The following ADCY8 variants were observed in gnomAD, a reference collection of about 807,000 sequenced individuals.
The protein encoded by ADCY8 is adenylate cyclase 8, also known as adenylate cyclase type 8.
A neutral mutation model predicts 119.7 loss-of-function variants in ADCY8; 51 were observed. That is an observed-to-expected ratio of 0.43 (90% CI 0.34 to 0.54). The LOEUF is 0.54. ADCY8 is among the 20% of genes least tolerant of loss of function. The pLI, the probability that ADCY8 is intolerant of heterozygous loss-of-function variation, is 0.03. For missense variants in ADCY8, 1,383 were observed against 1,598.8 expected, an observed-to-expected ratio of 0.87 and a Z score of 2.30; for synonymous variants, 665 against 651.0, an observed-to-expected ratio of 1.02 and a Z score of -0.33.
chr8:130,963,620 G>A (rs548387171), intron 2 of ADCY8, among the ~76,000 whole-genome samples: 1 of 152,172 alleles, frequency 6.6e-6, no homozygotes, highest in Non-Finnish European at 1.5e-5. Context: ...TGACAGGAGA[G>A]GGGGAGAGAT....
At chr8:130,803,574 A>T (rs1815849917) in intron 14 of ADCY8, among the ~76,000 whole-genome samples, 1 of 152,254 alleles carries the variant, frequency 6.6e-6, no homozygotes, top group African/African-American at 2.4e-5. Context: ...CTTCGTAGGA[A>T]ACATGAAACC....
chr8:130,917,743 G>C (rs1424333975), intron 5 of ADCY8, among the ~76,000 whole-genome samples: 2 of 150,184 alleles, frequency 1.3e-5, no homozygotes, highest in Admixed American at 6.6e-5. Flanking sequence ...TAACTCAGGG[G>C]TGAGGGAGGC....
chr8:130,886,208 C>T (rs1285282260), intron 7 of ADCY8, among the ~76,000 whole-genome samples: 4 of 152,144 alleles, frequency 2.6e-5, no homozygotes, highest in African/African-American at 9.7e-5. Flanking sequence ...CTGAAACCCT[C>T]TTCTCCAGCC....
At chr8:131,006,920 A>T (rs929169668) in intron 1 of ADCY8, among the ~76,000 whole-genome samples, 7 of 152,170 alleles carry the variant, frequency 4.6e-5, no homozygotes, top group African/African-American at 1.4e-4. Context: ...TCAATCTTTT[A>T]GAGCCATTCA....
intron 4 of ADCY8, among the ~76,000 whole-genome samples, chr8:130,940,305 T>G (rs1820918962): frequency 6.6e-6 from 1 of 152,184 alleles, no homozygotes; most frequent in Non-Finnish European, 1.5e-5. Context: ...ATGGTAGGTC[T>G]CCTGACAAAA....
intron 1 of ADCY8, among the ~76,000 whole-genome samples, chr8:131,033,210 A>G (rs1824048008): frequency 1.3e-5 from 2 of 152,376 alleles, no homozygotes; most frequent in African/African-American, 4.8e-5. Flanking sequence ...ATCAACTTAA[A>G]TAGACACACT....
chr8:131,019,553 C>A (rs1180872919), intron 1 of ADCY8, among the ~76,000 whole-genome samples: 3 of 152,204 alleles, frequency 2.0e-5, no homozygotes, highest in Non-Finnish European at 4.4e-5. Flanking sequence ...CTGGTAGAAG[C>A]ACTAACTTGA....
At chr8:130,948,026 A>G (rs1473413070) in intron 3 of ADCY8, among the ~76,000 whole-genome samples, 1 of 151,976 alleles carries the variant, frequency 6.6e-6, no homozygotes, top group African/African-American at 2.4e-5. Context: ...GTTAAGGTGG[A>G]AAAAAAAGTG....
At chr8:130,961,801 C>T (rs1023807402) in intron 2 of ADCY8, among the ~76,000 whole-genome samples, 5 of 152,082 alleles carry the variant, frequency 3.3e-5, no homozygotes, top group African/African-American at 1.2e-4. Context: ...ATACAGAAGG[C>T]AGCGGCTGTA....
chr8:130,803,808 G>T, intron 14 of ADCY8, among the ~76,000 whole-genome samples: 1 of 152,280 alleles, frequency 6.6e-6, no homozygotes. Flanking sequence ...GCATGCCCTA[G>T]GTCAGAGAAA....
Position 131,023,461 on chromosome 8 carries a change from A to T in ADCY8, c.960+15913T>A, listed in dbSNP as rs1025525446. ...GTGCCTTGGTAGGTCACAGAGCAGA[A>T]GATGGCAGTGCTGCAGGAGGAGAGG... is the stretch of plus-strand genomic sequence containing the variant. On this transcript the variant is annotated intron_variant, in intron 1 of 17. Coordinates refer to ENST00000286355, the MANE Select transcript of ADCY8 (RefSeq NM_001115.3). Among the ~76,000 whole-genome samples the T allele has an allele frequency of 1.5e-4, 23 of 152,302 alleles. 3 individuals carry two copies. The highest frequency in any genetic ancestry group is 7.9e-4 in the Admixed American group (12 of 15,286).
rs117227942 is a variant in ADCY8 at position 130,917,426 on chromosome 8, G to T, written c.1482-7560C>A. Among the ~76,000 whole-genome samples, 47 of 152,316 alleles carry T rather than the reference G, an allele frequency of 3.1e-4. No homozygotes were observed. In the East Asian group the frequency reaches 8.9e-3, roughly 29 times the overall value. On this transcript the variant is annotated intron_variant, in intron 5 of 17. Coordinates refer to ENST00000286355, the MANE Select transcript of ADCY8 (RefSeq NM_001115.3). ...AATGCCAGACTCCAAGCTGAATGGT[G>T]TTTGGATACTTTGCTGCTGCTTGCA...
intron 15 of ADCY8, among the ~76,000 whole-genome samples, chr8:130,793,971 A>G (rs960278899): frequency 1.8e-4 from 28 of 152,320 alleles, no homozygotes; most frequent in African/African-American, 6.3e-4. Context: ...AGAAGAGGTC[A>G]TATTAGATTA....
chr8:130,950,575 G>A (rs2130655656), intron 3 of ADCY8, among the ~76,000 whole-genome samples: 1 of 152,312 alleles, frequency 6.6e-6, no homozygotes, highest in Middle Eastern at 3.4e-3. Flanking sequence ...TGGCCTAAGT[G>A]CTCTGGCTTG....
chr8:130,873,633 A>G (rs1818447033), intron 8 of ADCY8, among the ~76,000 whole-genome samples: 1 of 152,036 alleles, frequency 6.6e-6, no homozygotes, highest in Non-Finnish European at 1.5e-5. Flanking sequence ...CTGTCTTTTT[A>G]TCAAAGATTG....
intron 5 of ADCY8, among the ~76,000 whole-genome samples, chr8:130,918,987 C>A (rs1400505772): frequency 6.6e-6 from 1 of 152,136 alleles, no homozygotes; most frequent in African/African-American, 2.4e-5. Flanking sequence ...CCCTTGAACC[C>A]GGGAGGTGAA....
In ADCY8 at chr8:130,830,255, A is replaced by G. The variant is rs550605456; in HGVS notation, c.2675+6022T>C. Among the ~76,000 whole-genome samples the G allele has an allele frequency of 2.0e-5, 3 of 152,310 alleles. No individual in the cohort carries two copies. The East Asian group carries it at 5.8e-4, about 29-fold the overall frequency. ...CATAGATGCTGACATTGTGACAATC[A>G]TGTTCAAAATGGTGGCTCCATCTTC... is the stretch of plus-strand genomic sequence containing the variant. On this transcript the variant is annotated intron_variant, in intron 12 of 17. Coordinates refer to ENST00000286355, the MANE Select transcript of ADCY8 (RefSeq NM_001115.3).
intron 10 of ADCY8, among the ~76,000 whole-genome samples, chr8:130,847,890 G>C (rs189952660): frequency 6.6e-6 from 1 of 152,254 alleles, no homozygotes; most frequent in East Asian, 1.9e-4. Flanking sequence ...TCAACAGCTG[G>C]GAGGACTTGA....
Position 130,800,592 on chromosome 8 carries a change from G to C in ADCY8, c.2914-20C>G, listed in dbSNP as rs1467615674. 6.2e-7 allele frequency: 1 copy of C among 1,613,068 alleles called. No individual in the cohort carries two copies. The highest frequency in any genetic ancestry group is 2.2e-5 in the East Asian group (1 of 44,852). Reference sequence around the variant, plus strand: ...CAGCTCCTGGACAGAGACACACAGAGGGCACCAGAAATGGTCATCAGAGGT... The same window carrying C: ...CAGCTCCTGGACAGAGACACACAGACGGCACCAGAAATGGTCATCAGAGGT... On this transcript the variant is annotated intron_variant, in intron 14 of 17. Transcript: ENST00000286355.
Sources: gnomAD v4.1 joint callset for allele counts (sites outside exome capture counted in the v4.1 genomes callset) on GRCh38, gnomAD v4.1.1 for gene constraint, MANE v1.5 for transcripts, NCBI Gene and HGNC (gene_info 2026-07-23, HGNC 2026-07-21) for gene names.